Variants in MCC observed in about 807,000 individuals in gnomAD.
MCC encodes the protein colorectal mutant cancer protein.
MCC carries 90 observed loss-of-function variants against 116.2 expected under a neutral mutation model. The observed-to-expected ratio is 0.77, with a 90% CI of 0.65 to 0.92. The LOEUF (loss-of-function observed/expected upper bound fraction) is 0.92. MCC is among the 40% of genes least tolerant of loss of function. MCC has a pLI of 0.00. For synonymous variants in MCC, 578 were observed against 510.5 expected (o/e 1.13, Z -1.78); for missense variants, 1,516 against 1,312.2 (o/e 1.16, Z -2.40).
intron 5 of MCC, among the ~76,000 whole-genome samples, chr5:113,128,337 T>C (rs1325187420): frequency 1.3e-5 from 2 of 152,248 alleles, no homozygotes; most frequent in Admixed American, 1.3e-4. Context: ...CTGGTGTTTT[T>C]TGGGCGAACT....
At chr5:113,213,386 A>C (rs1053457011) in intron 3 of MCC, among the ~76,000 whole-genome samples, 1 of 152,214 alleles carries the variant, frequency 6.6e-6, no homozygotes, top group African/African-American at 2.4e-5. Flanking sequence ...AGATAAAGAA[A>C]TCTGTTTTTT....
chr5:113,361,274 C>CA (rs2150385311), intron 2 of MCC, among the ~76,000 whole-genome samples: 1 of 148,948 alleles, frequency 6.7e-6, no homozygotes, highest in Admixed American at 6.6e-5. Context: ...AAAAACCCAT[C>CA]TTCAGTCTTT....
intron 6 of MCC, among the ~76,000 whole-genome samples, chr5:113,111,150 G>A (rs915216483): frequency 6.6e-6 from 1 of 152,192 alleles, no homozygotes; most frequent in African/African-American, 2.4e-5. Context: ...TGCTGTTTGG[G>A]GAAAGATCCA....
chr5:113,223,054 C>A (rs1236655888), intron 3 of MCC, among the ~76,000 whole-genome samples: 1 of 152,162 alleles, frequency 6.6e-6, no homozygotes, highest in African/African-American at 2.4e-5. Context: ...ATGTGTATCC[C>A]AGGCAGCCAG....
intron 12 of MCC, among the ~76,000 whole-genome samples, chr5:113,069,564 G>C (rs927868576): frequency 2.6e-5 from 4 of 152,230 alleles, no homozygotes. Context: ...AATTTCCTTT[G>C]ATTGCCTTTC....
At chr5:113,146,424 C>T (rs1481744281) in intron 4 of MCC, among the ~76,000 whole-genome samples, 1 of 129,126 alleles carries the variant, frequency 7.7e-6, no homozygotes, top group Non-Finnish European at 1.7e-5. Flanking sequence ...CACCATTTAC[C>T]TAAAAATCTT....
chr5:113,162,353 C>G (rs1760535405), intron 3 of MCC, among the ~76,000 whole-genome samples: 1 of 152,198 alleles, frequency 6.6e-6, no homozygotes, highest in African/African-American at 2.4e-5. Context: ...ACTCGTTTAA[C>G]TTTTCTAAGC....
At chr5:113,136,790 G>C (rs1217916296) in intron 5 of MCC, among the ~76,000 whole-genome samples, 1 of 152,138 alleles carries the variant, frequency 6.6e-6, no homozygotes, top group Non-Finnish European at 1.5e-5. Flanking sequence ...TCTGTGAACA[G>C]GATAATTCTG....
intron 5 of MCC, among the ~76,000 whole-genome samples, chr5:113,133,217 C>G (rs1758572561): frequency 1.3e-5 from 2 of 152,060 alleles, no homozygotes; most frequent in African/African-American, 4.8e-5. Flanking sequence ...ATTGAATTAT[C>G]AAACACTAGG....
At chr5:113,363,313 G>T (rs1420895369) in intron 2 of MCC, among the ~76,000 whole-genome samples, 1 of 152,100 alleles carries the variant, frequency 6.6e-6, no homozygotes, top group Non-Finnish European at 1.5e-5. Context: ...AAAAAACCCT[G>T]GGAGCAGGTA....
At chr5:113,106,713 C>T (rs1034402426) in intron 6 of MCC, among the ~76,000 whole-genome samples, 1 of 152,118 alleles carries the variant, frequency 6.6e-6, no homozygotes, top group African/African-American at 2.4e-5. Flanking sequence ...GTACACATGA[C>T]CACAATCAGC....
rs553391915 is a variant in MCC at position 113,024,056 on chromosome 5, C to T, written c.*3246G>A. The T allele has an allele frequency of 1.9e-4, 29 of 152,174 alleles. No individual in the cohort carries two copies. The highest frequency in any genetic ancestry group is 7.0e-4 in the African/African-American group (29 of 41,484). The allele number at this position is 152,174 out of a possible 1,614,324, so 9.4% of individuals were successfully genotyped here. A position where few individuals can be genotyped will look rare whatever the true frequency, so the allele number is the denominator to read the frequency against. ...CTTAGAGTGGTAACTTTCTTTACTACTCCTTAACAGCTTTTAAGAAAAAGC... is the reference window on the plus strand; with the variant it reads ...CTTAGAGTGGTAACTTTCTTTACTATTCCTTAACAGCTTTTAAGAAAAAGC... On this transcript the variant is annotated 3_prime_UTR_variant, in exon 19 of 19. Coordinates refer to ENST00000408903, the MANE Select transcript of MCC (RefSeq NM_001085377.2).
At chr5:113,310,007 G>A (rs1275882757) in intron 3 of MCC, among the ~76,000 whole-genome samples, 1 of 148,490 alleles carries the variant, frequency 6.7e-6, no homozygotes, top group African/African-American at 2.5e-5. Flanking sequence ...GAACTAACCA[G>A]GCTCTGAAAT....
chr5:113,173,005 T>C (rs1761151938), intron 3 of MCC, among the ~76,000 whole-genome samples: 1 of 152,200 alleles, frequency 6.6e-6, no homozygotes, highest in South Asian at 2.1e-4. Flanking sequence ...TCTTTGCCTG[T>C]TTTGATAGGA....
intron 3 of MCC, among the ~76,000 whole-genome samples, chr5:113,183,000 A>T (rs1761709344): frequency 6.6e-6 from 1 of 152,198 alleles, no homozygotes; most frequent in Admixed American, 6.5e-5. Flanking sequence ...ATTTGAGCTA[A>T]GTTTGGGAGA....
chr5:113,386,467 C>A lies in MCC; in HGVS notation c.171-1255G>T, dbSNP rs13187823. On this transcript the variant is annotated intron_variant, in intron 1 of 18. Transcript: ENST00000408903. ...TTCTGTGCCCTGCACTCCCCTCCCCCACCTCTGCCCTTGTCCCCTTCCCCA... is the reference window on the plus strand; with the variant it reads ...TTCTGTGCCCTGCACTCCCCTCCCCAACCTCTGCCCTTGTCCCCTTCCCCA... Among the ~76,000 whole-genome samples the A allele has an allele frequency of 7.0e-4, 106 of 152,110 alleles. 4 individuals are homozygous for A. In the East Asian group the frequency reaches 0.02, roughly 28 times the overall value.
intron 6 of MCC, among the ~76,000 whole-genome samples, chr5:113,109,902 T>C (rs1332036661): frequency 1.3e-5 from 2 of 152,184 alleles, no homozygotes; most frequent in African/African-American, 2.4e-5. Flanking sequence ...CCCACTGCCA[T>C]GCAACTCCAT....
At chr5:113,315,845 T>C (rs924107474) in intron 3 of MCC, among the ~76,000 whole-genome samples, 1 of 151,542 alleles carries the variant, frequency 6.6e-6, no homozygotes, top group African/African-American at 2.4e-5. Flanking sequence ...ACCACTGCGC[T>C]CCAGCCCGGG....
intron 5 of MCC, among the ~76,000 whole-genome samples, chr5:113,127,381 C>T (rs4458560): frequency 0.94 from 143,197 of 152,292 alleles, 67,825 homozygotes; most frequent in East Asian, 1. Context: ...ATGTGATTGC[C>T]GGGCTGAATG....
Sources: gnomAD v4.1 joint callset for allele counts (sites outside exome capture counted in the v4.1 genomes callset) on GRCh38, gnomAD v4.1.1 for gene constraint, MANE v1.5 for transcripts, NCBI Gene and HGNC (gene_info 2026-07-23, HGNC 2026-07-21) for gene names.